ARID5B: variants seen among roughly 807,000 people sequenced by gnomAD.
The protein encoded by ARID5B is AT-rich interactive domain-containing protein 5B.
In ARID5B, 13 loss-of-function variants were observed where a neutral mutation model predicts 97.2. The ratio of observed to expected loss-of-function variants is 0.13; its 90% confidence interval spans 0.09 to 0.21. ARID5B has a LOEUF of 0.21. ARID5B is among the 10% of genes least tolerant of loss of function. The pLI, the probability that ARID5B is intolerant of heterozygous loss-of-function variation, is 1.00. For synonymous variants in ARID5B, 556 were observed against 570.3 expected (o/e 0.97, Z 0.36); for missense variants, 1,210 against 1,465.3 (o/e 0.83, Z 2.84).
At chr10:61,958,964 T>TG (rs2132819769) in intron 3 of ARID5B, among the ~76,000 whole-genome samples, 1 of 152,388 alleles carries the variant, frequency 6.6e-6, no homozygotes, top group South Asian at 2.1e-4. Context: ...TTCATAATTA[T>TG]GAAGACTGTC....
intron 2 of ARID5B, among the ~76,000 whole-genome samples, chr10:61,906,753 A>G (rs1023832544): frequency 5.9e-5 from 9 of 152,194 alleles, no homozygotes; most frequent in Non-Finnish European, 8.8e-5. Flanking sequence ...CTCAAATAGA[A>G]TCTCTAGAGT....
intron 3 of ARID5B, among the ~76,000 whole-genome samples, chr10:61,984,444 C>A (rs1252465042): frequency 6.6e-6 from 1 of 152,204 alleles, no homozygotes; most frequent in Non-Finnish European, 1.5e-5. Flanking sequence ...TGGGATCTTG[C>A]CCTCAGATGC....
intron 2 of ARID5B, among the ~76,000 whole-genome samples, chr10:61,919,049 C>A (rs939225976): frequency 1.1e-4 from 13 of 122,620 alleles, no homozygotes; most frequent in South Asian, 3.2e-4. Flanking sequence ...CCCCCCCCCC[C>A]CCCAAAAAAA....
intron 9 of ARID5B, among the ~76,000 whole-genome samples, chr10:62,089,364 G>C (rs1488315989): frequency 2.0e-5 from 3 of 151,586 alleles, no homozygotes; most frequent in Non-Finnish European, 4.4e-5. Context: ...CTGTGAAATA[G>C]GTGTGATTTC....
At chr10:61,959,480 G>A (rs1356476433) in intron 3 of ARID5B, among the ~76,000 whole-genome samples, 1 of 152,152 alleles carries the variant, frequency 6.6e-6, no homozygotes, top group Non-Finnish European at 1.5e-5. Context: ...TGGGCTACAT[G>A]TCAAGTGCCT....
Position 62,092,694 on chromosome 10 carries a change from C to G in ARID5B, c.3231C>G (p.Ile1077Met), listed in dbSNP as rs1343745122. The G allele has an allele frequency of 6.2e-7, 1 of 1,614,050 alleles. No homozygotes were observed. The highest frequency in any genetic ancestry group is 8.5e-7 in the Non-Finnish European group (1 of 1,179,980). Residue 1077 changes from isoleucine (I) to methionine (M), a missense_variant, in exon 10 of 10, where the codon ATC (isoleucine) becomes ATG (methionine). Around this residue, in one of 8 missense-constraint regions of ARID5B, gnomAD observed 800 missense variants for 839.1 expected, o/e 0.95. Coordinates refer to ENST00000279873, the MANE Select transcript of ARID5B (RefSeq NM_032199.3). ...EGHKLPLSSPIFPGLYSGSLC... is the reference protein window; with the variant it reads ...EGHKLPLSSPMFPGLYSGSLC... ...ACAAGCTTCCCCTCTCCTCCCCTATCTTCCCAGGTCTGTATTCCGGGAGCC... is the reference window on the plus strand; with the variant it reads ...ACAAGCTTCCCCTCTCCTCCCCTATGTTCCCAGGTCTGTATTCCGGGAGCC...
chr10:61,986,160 G>A (rs1262415358), intron 3 of ARID5B, among the ~76,000 whole-genome samples: 1 of 152,180 alleles, frequency 6.6e-6, no homozygotes, highest in East Asian at 1.9e-4. Context: ...AGAACAGTGT[G>A]AGATTTAAAA....
chr10:62,030,173 A>T (rs1839477687), intron 4 of ARID5B, among the ~76,000 whole-genome samples: 1 of 151,192 alleles, frequency 6.6e-6, no homozygotes, highest in African/African-American at 2.4e-5. Flanking sequence ...TTTGTTGCCC[A>T]GGCTGGAGTA....
At chr10:61,932,294 T>G (rs1029643366) in intron 2 of ARID5B, among the ~76,000 whole-genome samples, 4 of 152,022 alleles carry the variant, frequency 2.6e-5, no homozygotes, top group Admixed American at 6.6e-5. Context: ...CAAGTTGTAA[T>G]TTTTTTTGCT....
rs985747213 is a variant in ARID5B at position 62,095,040 on chromosome 10, T to C, written c.*2010T>C. 1 of 230,072 alleles carries C rather than the reference T, an allele frequency of 4.3e-6. No homozygotes were observed. The highest frequency in any genetic ancestry group is 2.2e-5 in the African/African-American group (1 of 45,106). The allele number at this position is 230,072 out of a possible 1,614,324, so 14.3% of individuals were successfully genotyped here. On this transcript the variant is annotated 3_prime_UTR_variant, in exon 10 of 10. Coordinates refer to ENST00000279873, the MANE Select transcript of ARID5B (RefSeq NM_032199.3). The stretch of plus-strand genomic sequence containing the variant: ...ATATCCAAAGGTGGAAACAAAAGAA[T>C]GTAGAGATCCAGTGTTAAGAGTTCC...
chr10:62,061,391 G>T (rs912186934), intron 7 of ARID5B, among the ~76,000 whole-genome samples: 1 of 152,194 alleles, frequency 6.6e-6, no homozygotes, highest in African/African-American at 2.4e-5. Context: ...GTAGAATAAG[G>T]TTGGGCATGG....
At chr10:62,022,907 G>A (rs1839374276) in intron 4 of ARID5B, among the ~76,000 whole-genome samples, 1 of 152,224 alleles carries the variant, frequency 6.6e-6, no homozygotes, top group African/African-American at 2.4e-5. Flanking sequence ...TCATTGATCA[G>A]GGCAGCAGAA....
chr10:61,917,711 T>C (rs1349253533), intron 2 of ARID5B, among the ~76,000 whole-genome samples: 2 of 152,182 alleles, frequency 1.3e-5, no homozygotes, highest in Non-Finnish European at 2.9e-5. Flanking sequence ...CCATTTTCTG[T>C]AACTAAAGCA....
intron 2 of ARID5B, 116 bp downstream of exon 2, chr10:61,902,529 T>C: frequency 2.1e-6 from 3 of 1,406,996 alleles, no homozygotes; most frequent in Non-Finnish European, 1.9e-6. Context: ...CAGGATCGAC[T>C]CCTTTTTTAA....
chr10:61,904,595 G>A (rs868569121), intron 2 of ARID5B, among the ~76,000 whole-genome samples: 8 of 152,160 alleles, frequency 5.3e-5, no homozygotes, highest in Non-Finnish European at 1.2e-4. Flanking sequence ...GGGGGTTTGC[G>A]GAGGGAGATG....
chr10:61,941,415 G>A (rs773396466), intron 3 of ARID5B, among the ~76,000 whole-genome samples: 3 of 151,776 alleles, frequency 2.0e-5, no homozygotes, highest in Admixed American at 6.6e-5. Context: ...TTTAGGCAAA[G>A]AGGAACTGCA....
chr10:62,029,480 A>C (rs1346535760), intron 4 of ARID5B, among the ~76,000 whole-genome samples: 1 of 152,256 alleles, frequency 6.6e-6, no homozygotes, highest in East Asian at 1.9e-4. Flanking sequence ...AAGAAAGAGT[A>C]GGAAGACAAT....
intron 2 of ARID5B, among the ~76,000 whole-genome samples, chr10:61,916,031 C>A (rs1265632695): frequency 6.6e-6 from 1 of 152,100 alleles, no homozygotes; most frequent in Non-Finnish European, 1.5e-5. Context: ...GCTAGGATTA[C>A]AGGCGTGAGC....
intron 3 of ARID5B, among the ~76,000 whole-genome samples, chr10:61,941,963 T>C (rs1386534288): frequency 1.3e-5 from 2 of 152,252 alleles, no homozygotes; most frequent in Non-Finnish European, 2.9e-5. Context: ...TAAGTTGTAT[T>C]ACCATTGTCT....
Sources: allele counts gnomAD v4.1 joint callset (sites outside exome capture counted in the v4.1 genomes callset), GRCh38; gene constraint gnomAD v4.1.1; regional missense constraint gnomAD v4.1.1; transcripts MANE v1.5; gene names NCBI Gene and HGNC (gene_info 2026-07-23, HGNC 2026-07-21).